Variants in GRM7 observed in about 807,000 individuals in gnomAD.
The protein encoded by GRM7 is metabotropic glutamate receptor 7.
In GRM7, 35 loss-of-function variants were observed where a neutral mutation model predicts 84.5. The observed-to-expected ratio is 0.41, with a 90% CI of 0.32 to 0.55. The LOEUF (loss-of-function observed/expected upper bound fraction) is 0.55. GRM7 is among the 20% of genes least tolerant of loss of function. The probability of loss-of-function intolerance (pLI) is 0.19; values close to 1 mark genes in which losing one functional copy is unlikely to be tolerated. For missense variants in GRM7, 1,003 were observed against 1,194.6 expected, an observed-to-expected ratio of 0.84 and a Z score of 2.36; for synonymous variants, 487 against 455.1, an observed-to-expected ratio of 1.07 and a Z score of -0.89.
At position 6,861,317 on chromosome 3, in the gene GRM7, G is replaced by C. The variant is rs573125271; in HGVS notation, c.-72G>C. 6.3e-5 allele frequency: 85 copies of C among 1,342,648 alleles called. 1 individual carries two copies. The South Asian group carries it at 1.3e-3, about 20-fold the overall frequency. 83.2% of individuals were successfully genotyped at this position (1,342,648 alleles called of 1,614,324 possible). A position where few individuals can be genotyped will look rare whatever the true frequency, so the allele number is the denominator to read the frequency against. ...CTTTCCCGGAGGAGCTCGCCCTGAAGGGCCCGGACCTCGGCGAGCCCACCA... is the reference window on the plus strand; with the variant it reads ...CTTTCCCGGAGGAGCTCGCCCTGAACGGCCCGGACCTCGGCGAGCCCACCA... On this transcript the variant is annotated 5_prime_UTR_variant, in exon 1 of 10. Transcript: ENST00000357716. This position sits in a 1 kb window ranked among gnomAD's most constrained non-coding sequence, Gnocchi z 6.4.
At chr3:7,135,918 A>C (rs1463358157) in intron 1 of GRM7, among the ~76,000 whole-genome samples, 4 of 151,974 alleles carry the variant, frequency 2.6e-5, no homozygotes, top group African/African-American at 7.2e-5. Context: ...CATTTCTATT[A>C]ATGTTTTCTA....
At chr3:7,295,708 T>C (rs1346207404) in intron 2 of GRM7, among the ~76,000 whole-genome samples, 1 of 152,138 alleles carries the variant, frequency 6.6e-6, no homozygotes, top group Admixed American at 6.6e-5. Flanking sequence ...TTAAATGGCG[T>C]TGTGTTTCAA....
rs1212028546 is a variant in GRM7 at position 7,034,178 on chromosome 3, A to G, written c.520-112274A>G. On this transcript the variant is annotated intron_variant, in intron 1 of 9. Coordinates refer to ENST00000357716, the MANE Select transcript of GRM7 (RefSeq NM_000844.4). ...GTTCCTTGAATGATCTCATTCCATC[A>G]TTGATCTTTTGTTCCTAAATTGCTG... Among the ~76,000 whole-genome samples the G allele has an allele frequency of 1.3e-5, 2 of 152,124 alleles. 1 individual carries two copies. The highest frequency in any genetic ancestry group is 2.9e-5 in the Non-Finnish European group (2 of 68,026).
At chr3:7,296,827 A>G (rs1020397986) in intron 2 of GRM7, among the ~76,000 whole-genome samples, 20 of 151,822 alleles carry the variant, frequency 1.3e-4, no homozygotes, top group Non-Finnish European at 2.9e-5. Context: ...TTTTTAAAAA[A>G]AAAAAAAGCT....
intron 1 of GRM7, among the ~76,000 whole-genome samples, chr3:7,015,873 G>T (rs1238073605): frequency 6.6e-6 from 1 of 152,192 alleles, no homozygotes; most frequent in East Asian, 1.9e-4. Flanking sequence ...CAGAAGTCAT[G>T]CATGTTACTC....
chr3:7,403,388 G>C (rs929739807), intron 4 of GRM7, among the ~76,000 whole-genome samples: 2 of 150,944 alleles, frequency 1.3e-5, no homozygotes, highest in Admixed American at 6.6e-5. Context: ...CAATATCCAC[G>C]ATCTGTGGAA....
At chr3:7,574,003 CAGGGT>C (rs987837997) in intron 7 of GRM7, among the ~76,000 whole-genome samples, 4 of 152,136 alleles carry the variant, frequency 2.6e-5, no homozygotes, top group Admixed American at 6.5e-5. Flanking sequence ...CTCAAAATTC[CAGGGT>C]AGAGTTTTAT....
intron 9 of GRM7, among the ~76,000 whole-genome samples, chr3:7,729,410 C>T (rs977363175): frequency 2.0e-5 from 3 of 152,102 alleles, no homozygotes; most frequent in Admixed American, 2.0e-4. Context: ...GTGTCATATT[C>T]CTAAGTGCAA....
At chr3:7,416,387 A>G (rs1696160239) in intron 5 of GRM7, among the ~76,000 whole-genome samples, 1 of 152,156 alleles carries the variant, frequency 6.6e-6, no homozygotes, top group South Asian at 2.1e-4. Context: ...TGTTTTATAT[A>G]TGATCAAGAA....
At chr3:6,921,310 C>T (rs1697115771) in intron 1 of GRM7, among the ~76,000 whole-genome samples, 1 of 152,160 alleles carries the variant, frequency 6.6e-6, no homozygotes, top group Non-Finnish European at 1.5e-5. Flanking sequence ...AAAGCAATTT[C>T]CATGAGAGCC....
chr3:7,439,247 A>G (rs1429093314), intron 5 of GRM7, among the ~76,000 whole-genome samples: 1 of 152,156 alleles, frequency 6.6e-6, no homozygotes, highest in Non-Finnish European at 1.5e-5. Flanking sequence ...ATTTGTATAG[A>G]AAAAATCTTT....
rs569288541 is a variant in GRM7, at chr3:6,928,892, T to C, written c.519+66985T>C. Among the ~76,000 whole-genome samples the C allele has an allele frequency of 1.3e-5, 2 of 151,722 alleles. No homozygotes were observed. The highest frequency in any genetic ancestry group is 4.1e-4 in the South Asian group (2 of 4,830). On this transcript the variant is annotated intron_variant, in intron 1 of 9. Transcript: ENST00000357716. The surrounding 1 kb of genome is among the most constrained non-coding windows in gnomAD (Gnocchi z 4.5). ...GAACTGGTACATAAAATGCCAGTCA[T>C]AGTGTTTTAAAGTGATTTTTCCCTC...
At chr3:7,585,774 G>A (rs1001384963) in intron 8 of GRM7, among the ~76,000 whole-genome samples, 7 of 152,090 alleles carry the variant, frequency 4.6e-5, no homozygotes, top group African/African-American at 1.4e-4. Context: ...CTGTTCCCTA[G>A]CTTTTCTCAA....
rs141431714 is a variant in GRM7, at chr3:7,242,235, A to G, written c.737-56449A>G. 1.2e-4 allele frequency among the ~76,000 whole-genome samples: 19 copies of G among 152,308 alleles called. No individual in the cohort carries two copies. The East Asian group carries it at 3.7e-3, about 29-fold the overall frequency. ...TCCAGAGAAATAGTACATGCTGTTTACTTCCCAGGGAGCCGATGGATTCAT... is the reference window on the plus strand; with the variant it reads ...TCCAGAGAAATAGTACATGCTGTTTGCTTCCCAGGGAGCCGATGGATTCAT... On this transcript the variant is annotated intron_variant, in intron 2 of 9. Coordinates refer to ENST00000357716, the MANE Select transcript of GRM7 (RefSeq NM_000844.4).
At chr3:7,093,533 T>C (rs1342272330) in intron 1 of GRM7, among the ~76,000 whole-genome samples, 2 of 151,100 alleles carry the variant, frequency 1.3e-5, no homozygotes, top group African/African-American at 2.4e-5. Context: ...AAAAATTAGC[T>C]GGGCATGGTG....
At chr3:7,134,040 A>G (rs1693690726) in intron 1 of GRM7, among the ~76,000 whole-genome samples, 1 of 152,184 alleles carries the variant, frequency 6.6e-6, no homozygotes, top group Non-Finnish European at 1.5e-5. Context: ...CATACTTATA[A>G]CTAAGATGTC....
intron 9 of GRM7, among the ~76,000 whole-genome samples, chr3:7,709,833 G>A (rs1305268106): frequency 1.3e-5 from 2 of 152,132 alleles, no homozygotes; most frequent in Admixed American, 6.5e-5. Context: ...ACAGGAAGCT[G>A]CCTTCCACAG....
intron 2 of GRM7, among the ~76,000 whole-genome samples, chr3:7,273,947 ATCT>A (rs1698959712): frequency 6.6e-6 from 1 of 151,506 alleles, no homozygotes; most frequent in South Asian, 2.1e-4. Context: ...TCCTATTTTT[ATCT>A]TCTTTTTTTG....
At chr3:7,304,993 G>T (rs1239726670) in intron 3 of GRM7, among the ~76,000 whole-genome samples, 1 of 152,102 alleles carries the variant, frequency 6.6e-6, no homozygotes, top group Non-Finnish European at 1.5e-5. Flanking sequence ...GGTTCCCAGG[G>T]AATCAGATTG....
Sources: gnomAD v4.1 joint callset for allele counts (sites outside exome capture counted in the v4.1 genomes callset) on GRCh38, gnomAD v4.1.1 for gene constraint, Gnocchi (gnomAD v3.1) non-coding constraint, MANE v1.5 for transcripts, NCBI Gene and HGNC (gene_info 2026-07-23, HGNC 2026-07-21) for gene names.